CPVL: variants seen among roughly 807,000 people sequenced by gnomAD.
The protein encoded by CPVL is probable serine carboxypeptidase CPVL.
Under a neutral mutation model 63.7 loss-of-function variants are expected in CPVL, and 51 were observed. That is an observed-to-expected ratio of 0.80 (90% CI 0.64 to 1.01). The LOEUF is 1.01. CPVL is among the 50% of genes least tolerant of loss of function. The pLI is 0.00. For synonymous variants in CPVL, 195 were observed against 206.0 expected, an observed-to-expected ratio of 0.95 and a Z score of 0.46; for missense variants, 530 against 573.1, an observed-to-expected ratio of 0.92 and a Z score of 0.77.
intron 4 of CPVL, 124 bp from the exon 5 acceptor site, chr7:29,095,266 T>A: frequency 1.3e-6 from 1 of 746,916 alleles, no homozygotes; most frequent in Non-Finnish European, 2.4e-6. Flanking sequence ...CCTCTAACAG[T>A]GCTGCACACT....
chr7:29,067,777 T>C (rs1019716165), intron 9 of CPVL, among the ~76,000 whole-genome samples: 4 of 152,194 alleles, frequency 2.6e-5, no homozygotes, highest in Admixed American at 6.5e-5. Flanking sequence ...GGTATTATTA[T>C]TCTAATTTTA....
At chr7:29,099,438 A>G (rs1469462080) in intron 3 of CPVL, among the ~76,000 whole-genome samples, 1 of 152,184 alleles carries the variant, frequency 6.6e-6, no homozygotes, top group Non-Finnish European at 1.5e-5. Context: ...GAGGCTGGGT[A>G]TGGTGGCGCA....
At chr7:29,111,408 G>A (rs187002804) in intron 3 of CPVL, among the ~76,000 whole-genome samples, 156 of 152,306 alleles carry the variant, frequency 1.0e-3, no homozygotes, top group Admixed American at 2.7e-3. Context: ...GACACTGGAG[G>A]GTGCTCAGGC....
At chr7:29,180,812 T>C (rs921676578) in intron 5 of CPVL, among the ~76,000 whole-genome samples, 1 of 152,202 alleles carries the variant, frequency 6.6e-6, no homozygotes, top group African/African-American at 2.4e-5. Context: ...TGTGTGATGT[T>C]GGACAAGACT....
chr7:29,188,235 A>C (rs1271141107), intron 1 of CPVL, among the ~76,000 whole-genome samples: 1 of 152,232 alleles, frequency 6.6e-6, no homozygotes, highest in Admixed American at 6.5e-5. Context: ...ACTTCATTCC[A>C]TCATCACAAA....
intron 9 of CPVL, among the ~76,000 whole-genome samples, chr7:29,069,440 C>CAAAA (rs34421309): frequency 8.6e-5 from 7 of 81,200 alleles, no homozygotes; most frequent in South Asian, 4.7e-4. Flanking sequence ...GACTCCGTCT[C>CAAAA]AAAAAAAAAA....
At chr7:29,009,151 G>A (rs933247756) in intron 12 of CPVL, 6 of 143,652 alleles carry the variant, frequency 4.2e-5, no homozygotes, top group Non-Finnish European at 7.5e-5. Context: ...CCTTCGCTGT[G>A]TGTGTGTATG....
intron 5 of CPVL, among the ~76,000 whole-genome samples, chr7:29,163,506 A>T (rs115141944): frequency 1.3e-4 from 20 of 152,194 alleles, no homozygotes; most frequent in African/African-American, 4.3e-4. Context: ...GTTAATGGGC[A>T]TATGCATATG....
intron 5 of CPVL, among the ~76,000 whole-genome samples, chr7:29,157,644 C>T (rs376203405): frequency 1.0e-3 from 156 of 152,298 alleles, no homozygotes; most frequent in African/African-American, 3.4e-3. Flanking sequence ...TATTTCTCTC[C>T]GCTCCATAAT....
At chr7:29,180,744 A>G (rs1797968809) in intron 5 of CPVL, among the ~76,000 whole-genome samples, 1 of 152,254 alleles carries the variant, frequency 6.6e-6, no homozygotes, top group Admixed American at 6.5e-5. Flanking sequence ...GAGTCCAGTG[A>G]TTAAGAGCTC....
Position 29,066,090 on chromosome 7 carries a change from G to A in CPVL, c.896C>T (p.Thr299Ile). The A allele has an allele frequency of 6.2e-7, 1 of 1,605,630 alleles. No individual in the cohort carries two copies. Among genetic ancestry groups the A allele is most frequent in the Non-Finnish European group, 8.5e-7 (1 of 1,174,356 alleles). The change falls in exon 10 of 13, where the codon ACA becomes ATA. Residue 299 changes from threonine (T) to isoleucine (I), a missense_variant. Thr to Ile is a moderately conservative substitution (Grantham distance 89, BLOSUM62 -1). Transcript: ENST00000265394. ...ILDKLLDGDLTSDPSYFQNVT... is the reference protein window; with the variant it reads ...ILDKLLDGDLISDPSYFQNVT... ...ATTCTGGAAGTAAGAAGGATCACTT[G>A]TTAAGTCGCCATCTAGTAGTTTATC...
At chr7:29,040,502 T>C (rs1194210292) in intron 11 of CPVL, among the ~76,000 whole-genome samples, 1 of 152,142 alleles carries the variant, frequency 6.6e-6, no homozygotes, top group African/African-American at 2.4e-5. Context: ...GTCTTAGGGA[T>C]GTAATACTCA....
At chr7:29,180,247 C>T (rs60339393) in intron 5 of CPVL, among the ~76,000 whole-genome samples, 1,853 of 152,148 alleles carry the variant, frequency 0.012, 36 homozygotes, top group African/African-American at 0.043. Context: ...ACATCTAGGC[C>T]GGGTGTGGTG....
At chr7:29,030,485 TA>T in intron 12 of CPVL, 91 bp downstream of exon 12, 1 of 1,248,228 alleles carries the variant, frequency 8.0e-7, no homozygotes, top group East Asian at 2.3e-5. Context: ...TGGCTTTGCT[TA>T]AGGTCGGCCA....
At chr7:28,995,970 TA>T in intron 12 of CPVL, 88 bp from the exon 13 acceptor site, 1 of 743,732 alleles carries the variant, frequency 1.3e-6, no homozygotes, top group South Asian at 1.9e-5. Context: ...AAACTCTATT[TA>T]AAACTCACAT....
intron 3 of CPVL, among the ~76,000 whole-genome samples, chr7:29,103,042 C>A (rs902110721): frequency 3.3e-5 from 5 of 151,898 alleles, no homozygotes; most frequent in Admixed American, 2.0e-4. Flanking sequence ...TCACCTTTGC[C>A]CTGAGTCTTC....
chr7:29,102,766 T>C (rs1253109321), intron 3 of CPVL, among the ~76,000 whole-genome samples: 1 of 151,528 alleles, frequency 6.6e-6, no homozygotes. Flanking sequence ...ACCCATGAAC[T>C]TGGACACTCT....
At chr7:29,141,938 C>G (rs1421597530) in intron 1 of CPVL, among the ~76,000 whole-genome samples, 1 of 151,970 alleles carries the variant, frequency 6.6e-6, no homozygotes, top group Admixed American at 6.5e-5. Context: ...GTAGCTGTTG[C>G]CTTGTGAAAA....
At chr7:29,080,173 G>A (rs976992803) in intron 7 of CPVL, 1 of 152,096 alleles carries the variant, frequency 6.6e-6, no homozygotes, top group Non-Finnish European at 1.5e-5. Context: ...ATACCTGGGT[G>A]ATGTAATAAT....
Sources: gnomAD v4.1 joint callset for allele counts (sites outside exome capture counted in the v4.1 genomes callset) on GRCh38, gnomAD v4.1.1 for gene constraint, MANE v1.5 for transcripts, NCBI Gene and HGNC (gene_info 2026-07-23, HGNC 2026-07-21) for gene names.